The following SPG11 variants were observed in gnomAD, a reference collection of about 807,000 sequenced individuals.
SPG11 encodes the protein SPG11 vesicle trafficking associated, spatacsin.
Under a neutral mutation model 274.0 loss-of-function variants are expected in SPG11, and 222 were observed. The ratio of observed to expected loss-of-function variants is 0.81; its 90% CI spans 0.73 to 0.91. The LOEUF (loss-of-function observed/expected upper bound fraction) is 0.91. SPG11 is among the 40% of genes least tolerant of loss of function. The pLI is 0.00. For synonymous variants in SPG11, 1,144 were observed against 1,039.7 expected, an observed-to-expected ratio of 1.10 and a Z score of -1.93; for missense variants, 3,114 against 2,872.7, an observed-to-expected ratio of 1.08 and a Z score of -1.92.
Position 44,622,711 on chromosome 15 carries a change from G to C in SPG11, c.2316+17C>G. 6.3e-7 allele frequency: 1 copy of C among 1,585,684 alleles called. No homozygotes were observed. On this transcript the variant is annotated intron_variant, in intron 12 of 39. Coordinates refer to ENST00000261866, the MANE Select transcript of SPG11 (RefSeq NM_025137.4). ...CTTTCTAGAAAATGTATACTATGTA[G>C]TCTCACCTTTACCTACCAAAAAGTC... is the stretch of plus-strand genomic sequence containing the variant.
At chr15:44,575,236 A>T (rs2082510099) in intron 30 of SPG11, 195 bp from the exon 31 acceptor site, 2 of 632,064 alleles carry the variant, frequency 3.2e-6, no homozygotes, top group African/African-American at 3.7e-5. Context: ...CCACCCTGGG[A>T]TACTTCAAAG....
In SPG11 at chr15:44,632,661, T is replaced by C. The variant is rs1480698021; in HGVS notation, c.1735+844A>G. On this transcript the variant is annotated intron_variant, in intron 8 of 39. Transcript: ENST00000261866. ...AGTAGTTGGGACTATGGATGCGTCA[T>C]CATGCCCAACTAATTTTTAAAATTC... Among the ~76,000 whole-genome samples, 5 of 152,060 alleles carry C rather than the reference T, an allele frequency of 3.3e-5. No homozygotes were observed. The East Asian group carries it at 9.7e-4, about 29-fold the overall frequency.
chr15:44,629,194 G>C, intron 9 of SPG11, 39 bp downstream of exon 9: 2 of 1,605,592 alleles, frequency 1.2e-6, no homozygotes, highest in South Asian at 1.1e-5. Context: ...TCTGACACAG[G>C]AACAGTAGAA....
Position 44,620,408 on chromosome 15 carries a change from A to G in SPG11, c.2621-5T>C, listed in dbSNP as rs1331589550. On this transcript the variant is annotated splice_region_variant and splice_polypyrimidine_tract_variant and intron_variant, in intron 14 of 39. Coordinates refer to ENST00000261866, the MANE Select transcript of SPG11 (RefSeq NM_025137.4). ...CAGGGGAATATGATTTGTATTCTAC[A>G]TGAAAAAAAACACATTTTAAAATAT... The G allele has an allele frequency of 5.0e-6, 8 of 1,599,978 alleles. No individual in the cohort carries two copies. In the Admixed American group the frequency reaches 8.4e-5, roughly 17 times the overall value.
At chr15:44,613,007 C>T (rs2083499338) in intron 17 of SPG11, among the ~76,000 whole-genome samples, 1 of 152,138 alleles carries the variant, frequency 6.6e-6, no homozygotes, top group South Asian at 2.1e-4. Context: ...GCAGAGGACA[C>T]AACAATCTCA....
chr15:44,622,186 T>C, intron 13 of SPG11, 34 bp downstream of exon 13: 1 of 1,598,552 alleles, frequency 6.3e-7, no homozygotes, highest in Non-Finnish European at 8.6e-7. Context: ...CTAACGGTAT[T>C]CTAATATTAT....
chr15:44,575,911 G>A (rs1457933589), intron 30 of SPG11, among the ~76,000 whole-genome samples: 2 of 152,112 alleles, frequency 1.3e-5, no homozygotes, highest in African/African-American at 4.8e-5. Context: ...GGGAGGCTGA[G>A]GCGGGCGGAT....
intron 35 of SPG11, among the ~76,000 whole-genome samples, chr15:44,568,677 A>G (rs190457996): frequency 9.6e-4 from 146 of 152,230 alleles, no homozygotes; most frequent in Admixed American, 4.6e-3. Flanking sequence ...TTTGTGTTTG[A>G]TTCCCAACCT....
chr15:44,602,969 T>A (rs1386930977), intron 20 of SPG11, among the ~76,000 whole-genome samples: 1 of 152,178 alleles, frequency 6.6e-6, no homozygotes, highest in Non-Finnish European at 1.5e-5. Flanking sequence ...CAAAAGGTCA[T>A]TATGCAATAA....
intron 6 of SPG11, among the ~76,000 whole-genome samples, chr15:44,651,044 G>A (rs901948971): frequency 7.2e-5 from 11 of 152,100 alleles, no homozygotes; most frequent in Non-Finnish European, 1.3e-4. Context: ...CACCGCACCC[G>A]GCAGATCTTA....
At chr15:44,625,229 AT>A (rs961483843) in intron 11 of SPG11, among the ~76,000 whole-genome samples, 1 of 151,028 alleles carries the variant, frequency 6.6e-6, no homozygotes, top group Non-Finnish European at 1.5e-5. Flanking sequence ...GTTACCAGCT[AT>A]TTTTAGGTGC....
rs1361520573 is a variant in SPG11 at position 44,562,810 on chromosome 15, G to C, written c.*311C>G. On this transcript the variant is annotated 3_prime_UTR_variant, in exon 40 of 40. Transcript: ENST00000261866. ...AATTTCTTTGAAACTGGAATCTGCA[G>C]GTACAGGTATTCTTTAATCATTATT... 1 of 278,108 alleles carries C rather than the reference G, an allele frequency of 3.6e-6. No homozygotes were observed. The highest frequency in any genetic ancestry group is 2.2e-5 in the African/African-American group (1 of 45,382). 17.2% of individuals were successfully genotyped at this position (278,108 alleles called of 1,614,324 possible).
intron 11 of SPG11, among the ~76,000 whole-genome samples, chr15:44,623,309 A>G (rs114694931): frequency 6.6e-6 from 1 of 152,226 alleles, no homozygotes; most frequent in African/African-American, 2.4e-5. Flanking sequence ...ATTTTGTCAG[A>G]GCAAAGGCAG....
chr15:44,598,101 A>G (rs1029218746), intron 23 of SPG11, among the ~76,000 whole-genome samples, 164 bp downstream of exon 23: 1 of 152,236 alleles, frequency 6.6e-6, no homozygotes, highest in African/African-American at 2.4e-5. Flanking sequence ...TGCAATTAAA[A>G]TCATTATTCA....
intron 7 of SPG11, among the ~76,000 whole-genome samples, chr15:44,645,142 G>C (rs2084568376): frequency 6.6e-6 from 1 of 152,152 alleles, no homozygotes; most frequent in African/African-American, 2.4e-5. Context: ...GAACAAAGCT[G>C]GAGACATCAT....
intron 7 of SPG11, among the ~76,000 whole-genome samples, chr15:44,641,659 G>A (rs2084447316): frequency 7.6e-6 from 1 of 131,140 alleles, no homozygotes; most frequent in Non-Finnish European, 1.6e-5. Flanking sequence ...AAATGCAAAT[G>A]AAAATCCATC....
intron 14 of SPG11, chr15:44,621,501 G>T: frequency 2.3e-6 from 1 of 441,500 alleles, no homozygotes; most frequent in Non-Finnish European, 4.2e-6. Flanking sequence ...AAAACAGATT[G>T]TCACTTTGAA....
At chr15:44,627,593 ATT>A (rs753504528) in intron 10 of SPG11, among the ~76,000 whole-genome samples, 1 of 145,656 alleles carries the variant, frequency 6.9e-6, no homozygotes. Context: ...AAAGTAAGTA[ATT>A]TTTTTTTTTT....
At position 44,565,976 on chromosome 15, in the gene SPG11, G is replaced by A. The variant is rs151317653; in HGVS notation, c.6877C>T (p.Arg2293Trp). 3.3e-4 allele frequency: 528 copies of A among 1,613,814 alleles called. 6 individuals carry two copies. In the South Asian group the frequency reaches 3.7e-3, roughly 11 times the overall value. The change falls in exon 38 of 40, where the codon CGG (arginine) becomes TGG (tryptophan). Residue 2293 changes from arginine (R) to tryptophan (W), a missense_variant. Coordinates refer to ENST00000261866, the MANE Select transcript of SPG11 (RefSeq NM_025137.4). ...SCVRQAQHCQRLTKLITLQIH... is the reference protein window; with the variant it reads ...SCVRQAQHCQWLTKLITLQIH... The stretch of plus-strand genomic sequence containing the variant: ...TGCAGAGTTATCAACTTGGTGAGCC[G>A]CTGACAGTGCTGGGCCTGTCGCACA...
Sources: allele counts gnomAD v4.1 joint callset (sites outside exome capture counted in the v4.1 genomes callset), GRCh38; gene constraint gnomAD v4.1.1; transcripts MANE v1.5; gene names NCBI Gene and HGNC (gene_info 2026-07-23, HGNC 2026-07-21).